ANHX: variants seen among roughly 807,000 people sequenced by gnomAD.
ANHX encodes the protein anomalous homeobox, also known as anomalous homeobox protein.
A neutral mutation model predicts 38.9 loss-of-function variants in ANHX; 20 were observed. The ratio of observed to expected loss-of-function variants is 0.51; its 90% CI spans 0.36 to 0.75. The LOEUF (loss-of-function observed/expected upper bound fraction) is 0.75, where lower values mean the gene tolerates loss of function less well. Ranked by LOEUF, ANHX falls within the 30% of genes least tolerant of loss-of-function variation. The pLI, the probability that ANHX is intolerant of heterozygous loss-of-function variation, is 0.00. For synonymous variants in ANHX, 185 were observed against 203.1 expected (o/e 0.91, Z 0.76); for missense variants, 475 against 493.1 (o/e 0.96, Z 0.35).
chr12:133,221,188 G>T lies in ANHX; in HGVS notation c.1280+17C>A. 6.5e-7 allele frequency: 1 copy of T among 1,535,900 alleles called. No individual in the cohort carries two copies. Among genetic ancestry groups the T allele is most frequent in the African/African-American group, 1.4e-5 (1 of 73,156 alleles). On this transcript the variant is annotated intron_variant, in intron 8 of 9. Coordinates refer to ENST00000545940, the MANE Select transcript of ANHX (RefSeq NM_001372060.1). This position sits in a 1 kb window ranked among gnomAD's most constrained non-coding sequence, Gnocchi z 4.1. ...TGTGGAAAGGACTGTCCAGGCCTGT[G>T]GCTCTTCAGGGCTTACCTCTGGGTG...
At chr12:133,226,461 G>A in intron 5 of ANHX, 23 bp from the exon 6 acceptor site, 1 of 1,523,784 alleles carries the variant, frequency 6.6e-7, no homozygotes, top group Non-Finnish European at 8.8e-7. Context: ...AGATGGGAGG[G>A]GAGACTTAGT....
At position 133,218,611 on chromosome 12, in the gene ANHX, C is replaced by T. The variant is rs557857607; in HGVS notation, c.*274G>A. ...TTCTCTGCACGAGTGCCCCGGAGCC[C>T]GACTGATCCAGTGCTGCGTGAGTGG... On this transcript the variant is annotated 3_prime_UTR_variant, in exon 10 of 10. Coordinates refer to ENST00000545940, the MANE Select transcript of ANHX (RefSeq NM_001372060.1). The T allele has an allele frequency of 3.7e-4, 106 of 290,318 alleles. No homozygotes were observed. Among genetic ancestry groups the T allele is most frequent in the Non-Finnish European group, 4.8e-4 (75 of 156,754 alleles). The allele number at this position is 290,318 out of a possible 1,614,324, so 18.0% of individuals were successfully genotyped here.
chr12:133,226,416 A>G lies in ANHX; in HGVS notation c.741T>C (p.Pro247=). 6.5e-7 allele frequency: 1 copy of G among 1,535,296 alleles called. No individual in the cohort carries two copies. Among genetic ancestry groups the G allele is most frequent in the Non-Finnish European group, 8.7e-7 (1 of 1,146,380 alleles). The change falls in exon 6 of 10, where the codon CCT becomes CCC. Residue 247 remains proline, a synonymous_variant. Transcript: ENST00000545940. Reference sequence around the variant, plus strand: ...CTTGGGTGGTCTGTGGGGACTGTGGAGGCCCCTTTTCCTCACGTTCCTCTG... The same window carrying G: ...CTTGGGTGGTCTGTGGGGACTGTGGGGGCCCCTTTTCCTCACGTTCCTCTG... The part of the protein sequence containing the change: ...QWSEEREEKG[P]PQSPQTTQGP...
At position 133,226,973 on chromosome 12, in the gene ANHX, A is replaced by C; in HGVS notation, c.681T>G (p.Arg227=). Residue 227 remains arginine, a synonymous_variant, in exon 5 of 10, where the codon CGT becomes CGG. Coordinates refer to ENST00000545940, the MANE Select transcript of ANHX (RefSeq NM_001372060.1). ...GCCTGTCCACAAACCCAGAGTCAAC[A>C]CGGGGGTTGCCTGAGGGCTGCAGGA... ...PDLLQPSGNP[R]VDSGFVDRPQ... The C allele has an allele frequency of 6.5e-7, 1 of 1,533,064 alleles. No individual in the cohort carries two copies. The highest frequency in any genetic ancestry group is 2.0e-5 in the Admixed American group (1 of 50,802). The allele number at this position is 1,533,064 out of a possible 1,614,324, so 95.0% of individuals were successfully genotyped here.
chr12:133,230,268 AGGTGTC>A (rs1957250291), intron 3 of ANHX, among the ~76,000 whole-genome samples: 2 of 152,240 alleles, frequency 1.3e-5, no homozygotes, highest in African/African-American at 4.8e-5. Flanking sequence ...GCACTCTGGC[AGGTGTC>A]AGCATGCCCG....
Position 133,221,955 on chromosome 12 carries a change from T to C in ANHX, c.1133-603A>G, listed in dbSNP as rs1044001501. Among the ~76,000 whole-genome samples the C allele has an allele frequency of 6.6e-6, 1 of 152,124 alleles. No homozygotes were observed. The highest frequency in any genetic ancestry group is 2.4e-5 in the African/African-American group (1 of 41,456). On this transcript the variant is annotated intron_variant, in intron 7 of 9. Coordinates refer to ENST00000545940, the MANE Select transcript of ANHX (RefSeq NM_001372060.1). This position sits in a 1 kb window ranked among gnomAD's most constrained non-coding sequence, Gnocchi z 4.1. ...AGGTTTTTTCCTGCCCTGAGTCTAC[T>C]AGGCTGTAAAACAAGCATTAAGATG...
intron 8 of ANHX, among the ~76,000 whole-genome samples, chr12:133,219,644 C>G (rs976104246): frequency 6.6e-6 from 1 of 152,102 alleles, no homozygotes; most frequent in African/African-American, 2.4e-5. Flanking sequence ...GTGGAGGAAA[C>G]AGAGACCTCA....
intron 1 of ANHX, chr12:133,235,080 T>TGCGCCCGCCAAGGGGACGCGACCTC (rs1957347204): frequency 6.9e-6 from 1 of 145,730 alleles, no homozygotes; most frequent in African/African-American, 2.5e-5. Context: ...CTTTCTGCCG[T>TGCGCCCGCCAAGGGGACGCGACCTC]GCGCCCGCCA....
At chr12:133,233,976 G>T in intron 2 of ANHX, 132 bp downstream of exon 2, 2 of 1,202,462 alleles carry the variant, frequency 1.7e-6, no homozygotes, top group Non-Finnish European at 2.3e-6. Flanking sequence ...TTTTTCCAAG[G>T]CCTGGGGGTG....
chr12:133,228,576 T>G (rs959470690), intron 3 of ANHX, among the ~76,000 whole-genome samples: 1 of 152,144 alleles, frequency 6.6e-6, no homozygotes, highest in Non-Finnish European at 1.5e-5. Flanking sequence ...CCTTGGGTGA[T>G]CTGGCTCTCA....
At chr12:133,227,976 C>T (rs1201346356) in intron 3 of ANHX, 29 bp from the exon 4 acceptor site, 17 of 1,534,108 alleles carry the variant, frequency 1.1e-5, no homozygotes, top group Non-Finnish European at 1.5e-5. Flanking sequence ...GAGGTGGTAA[C>T]AGACAGGACC....
intron 3 of ANHX, 51 bp downstream of exon 3, chr12:133,231,466 A>C: frequency 6.5e-7 from 1 of 1,534,172 alleles, no homozygotes; most frequent in South Asian, 1.2e-5. Context: ...TGGTACATCT[A>C]ATCCCTTGGG....
rs1345912399 is a variant in ANHX, at chr12:133,221,303, C to T, written c.1182G>A (p.Glu394=). Residue 394 remains glutamate (E), a synonymous_variant, in exon 8 of 10, where the codon GAG becomes GAA. Transcript: ENST00000545940. The surrounding 1 kb of genome is among the most constrained non-coding windows in gnomAD (Gnocchi z 4.1). ...TCCGTCCACTGCTTGTGCCCAGACCCTCCTCCAATTGCACGCTCTGGGGAT... is the reference window on the plus strand; with the variant it reads ...TCCGTCCACTGCTTGTGCCCAGACCTTCCTCCAATTGCACGCTCTGGGGAT... The part of the protein sequence containing the change: ...SGHPQSVQLE[E]GLGTSSGRTE... 19 of 1,535,944 alleles carry T rather than the reference C, an allele frequency of 1.2e-5. No individual in the cohort carries two copies. The highest frequency in any genetic ancestry group is 8.7e-7 in the Non-Finnish European group (1 of 1,146,920).
chr12:133,231,766 C>G, intron 2 of ANHX, 122 bp from the exon 3 acceptor site: 1 of 1,274,766 alleles, frequency 7.8e-7, no homozygotes, highest in Non-Finnish European at 1.1e-6. Flanking sequence ...GAGCAGGGTT[C>G]TGGGTTCAAA....
chr12:133,229,386 T>G (rs1221623490), intron 3 of ANHX, among the ~76,000 whole-genome samples: 1 of 152,182 alleles, frequency 6.6e-6, no homozygotes, highest in Admixed American at 6.5e-5. Context: ...TCGCACATCA[T>G]GAATCCCAAA....
intron 2 of ANHX, among the ~76,000 whole-genome samples, chr12:133,232,227 C>T (rs936170095): frequency 6.6e-6 from 1 of 152,236 alleles, no homozygotes; most frequent in Non-Finnish European, 1.5e-5. Context: ...GCCAGTACAC[C>T]CATCCACTTA....
At chr12:133,228,922 C>T (rs1342869227) in intron 3 of ANHX, among the ~76,000 whole-genome samples, 1 of 152,184 alleles carries the variant, frequency 6.6e-6, no homozygotes, top group African/African-American at 2.4e-5. Context: ...TGTGACACAC[C>T]TGGATCCTTG....
intron 8 of ANHX, among the ~76,000 whole-genome samples, chr12:133,219,685 T>C (rs1054688843): frequency 1.4e-4 from 21 of 152,104 alleles, no homozygotes; most frequent in Non-Finnish European, 1.6e-4. Context: ...CACGGCACAG[T>C]CACTCAGGAC....
rs1190005834 is a variant in ANHX at position 133,218,801 on chromosome 12, T to C, written c.*84A>G. Reference sequence around the variant, plus strand: ...GGGGACCTTCATTTTGTATTCAGGATAAAGCTCTGTAACTCCTTGTGTTGA... The same window carrying C: ...GGGGACCTTCATTTTGTATTCAGGACAAAGCTCTGTAACTCCTTGTGTTGA... On this transcript the variant is annotated 3_prime_UTR_variant, in exon 10 of 10. Coordinates refer to ENST00000545940, the MANE Select transcript of ANHX (RefSeq NM_001372060.1). 9.4e-7 allele frequency: 1 copy of C among 1,065,676 alleles called. No individual in the cohort carries two copies. Among genetic ancestry groups the C allele is most frequent in the Non-Finnish European group, 1.3e-6 (1 of 782,102 alleles). 66.0% of individuals were successfully genotyped at this position (1,065,676 alleles called of 1,614,324 possible). A position where few individuals can be genotyped will look rare whatever the true frequency, so the allele number is the denominator to read the frequency against.
Sources: allele counts gnomAD v4.1 joint callset (sites outside exome capture counted in the v4.1 genomes callset), GRCh38; gene constraint gnomAD v4.1.1; non-coding constraint Gnocchi (gnomAD v3.1); transcripts MANE v1.5; gene names NCBI Gene and HGNC (gene_info 2026-07-23, HGNC 2026-07-21).